The following FRYL variants were observed in gnomAD, a reference collection of about 807,000 sequenced individuals.
FRYL encodes the protein FRY like transcription coactivator, also known as protein furry homolog-like.
A neutral mutation model predicts 351.2 loss-of-function variants in FRYL; 150 were observed. That is an observed-to-expected ratio of 0.43 (90% confidence interval 0.37 to 0.49). FRYL has a LOEUF of 0.49. Ranked by LOEUF, FRYL falls within the 20% of genes least tolerant of loss-of-function variation. FRYL has a pLI of 0.00. For missense variants in FRYL, 3,036 were observed against 3,619.3 expected (o/e 0.84, Z 4.13); for synonymous variants, 1,153 against 1,257.1 (o/e 0.92, Z 1.75).
intron 2 of FRYL, among the ~76,000 whole-genome samples, chr4:48,709,691 C>T: frequency 6.6e-6 from 1 of 152,152 alleles, no homozygotes; most frequent in Non-Finnish European, 1.5e-5. Context: ...TAGTCTAATT[C>T]ACCCATTTCA....
chr4:48,715,059 A>C (rs1184016886), intron 1 of FRYL, among the ~76,000 whole-genome samples: 1 of 152,220 alleles, frequency 6.6e-6, no homozygotes, highest in Non-Finnish European at 1.5e-5. Flanking sequence ...CAGGCCTTTG[A>C]CTAAATTCAA....
intron 2 of FRYL, among the ~76,000 whole-genome samples, chr4:48,692,871 G>T (rs1765800111): frequency 6.6e-6 from 1 of 152,062 alleles, no homozygotes; most frequent in Non-Finnish European, 1.5e-5. Context: ...CGGACTAAAA[G>T]ATCTCTTTAA....
intron 3 of FRYL, among the ~76,000 whole-genome samples, chr4:48,679,494 C>T (rs572824144): frequency 6.6e-6 from 1 of 151,724 alleles, no homozygotes; most frequent in East Asian, 1.9e-4. Context: ...TCTATCAAAA[C>T]TTAAAAGGCA....
At chr4:48,518,104 G>C (rs1724038383) in intron 55 of FRYL, among the ~76,000 whole-genome samples, 1 of 152,134 alleles carries the variant, frequency 6.6e-6, no homozygotes, top group African/African-American at 2.4e-5. Context: ...CAGTAGAACT[G>C]TTTCTAAATG....
At chr4:48,525,519 G>A (rs749962272) in intron 53 of FRYL, among the ~76,000 whole-genome samples, 9 of 152,160 alleles carry the variant, frequency 5.9e-5, no homozygotes, top group African/African-American at 1.7e-4. Context: ...AGTGTGATAC[G>A]GGAGAGTGCA....
At chr4:48,721,351 T>C (rs1769447602) in intron 1 of FRYL, among the ~76,000 whole-genome samples, 2 of 151,326 alleles carry the variant, frequency 1.3e-5, no homozygotes, top group Non-Finnish European at 2.9e-5. Flanking sequence ...ACACTATATG[T>C]AGATTTTTTT....
At chr4:48,661,442 TG>T (rs1167173725) in intron 3 of FRYL, among the ~76,000 whole-genome samples, 1 of 152,182 alleles carries the variant, frequency 6.6e-6, no homozygotes, top group Non-Finnish European at 1.5e-5. Context: ...AGGGATCCCA[TG>T]AAGTCCCACA....
At chr4:48,611,780 T>C (rs1748259264) in intron 7 of FRYL, among the ~76,000 whole-genome samples, 1 of 152,202 alleles carries the variant, frequency 6.6e-6, no homozygotes, top group Admixed American at 6.5e-5. Context: ...TTTCTAATTT[T>C]CTGGTTTTGT....
intron 3 of FRYL, among the ~76,000 whole-genome samples, chr4:48,655,965 T>C (rs1282146959): frequency 1.4e-5 from 2 of 138,966 alleles, no homozygotes; most frequent in Non-Finnish European, 3.0e-5. Flanking sequence ...ACATTATATA[T>C]AATGTGCATT....
intron 3 of FRYL, among the ~76,000 whole-genome samples, chr4:48,645,735 T>C (rs996906159): frequency 2.0e-5 from 3 of 152,190 alleles, no homozygotes; most frequent in East Asian, 1.9e-4. Context: ...CCTATTCTTC[T>C]AAAATGGAAC....
At chr4:48,637,698 A>C (rs1427139583) in intron 3 of FRYL, 1 of 152,132 alleles carries the variant, frequency 6.6e-6, no homozygotes, top group Non-Finnish European at 1.5e-5. Flanking sequence ...GGGAATCTAA[A>C]AGCTAGCATT....
intron 1 of FRYL, among the ~76,000 whole-genome samples, chr4:48,774,082 G>A (rs960840309): frequency 6.6e-6 from 1 of 152,088 alleles, no homozygotes; most frequent in African/African-American, 2.4e-5. Flanking sequence ...TATATAGAAT[G>A]TCCAAAATAG....
chr4:48,656,409 T>C (rs1000626952), intron 3 of FRYL, among the ~76,000 whole-genome samples: 4 of 133,886 alleles, frequency 3.0e-5, no homozygotes, highest in Non-Finnish European at 6.1e-5. Flanking sequence ...TATAATTATA[T>C]ATAATGTATA....
chr4:48,678,948 TA>T (rs997301475), intron 3 of FRYL, among the ~76,000 whole-genome samples: 1 of 151,780 alleles, frequency 6.6e-6, no homozygotes, highest in Admixed American at 6.6e-5. Context: ...AGATAGTCTT[TA>T]AAAAAAAGAA....
intron 33 of FRYL, among the ~76,000 whole-genome samples, chr4:48,559,770 C>T (rs976694610): frequency 2.6e-5 from 4 of 151,082 alleles, no homozygotes; most frequent in Non-Finnish European, 4.4e-5. Flanking sequence ...CAAGAATCTA[C>T]CAAAAGAGAC....
chr4:48,721,147 T>G (rs1321347858), intron 1 of FRYL, among the ~76,000 whole-genome samples: 1 of 152,180 alleles, frequency 6.6e-6, no homozygotes, highest in African/African-American at 2.4e-5. Flanking sequence ...ATTATAGAAC[T>G]CATCACTATC....
intron 1 of FRYL, among the ~76,000 whole-genome samples, chr4:48,773,541 G>T (rs1361630197): frequency 6.6e-6 from 1 of 152,096 alleles, no homozygotes; most frequent in African/African-American, 2.4e-5. Context: ...GTATAAGGAA[G>T]TGTTACCAGA....
intron 55 of FRYL, among the ~76,000 whole-genome samples, chr4:48,517,000 A>C (rs1452920189): frequency 2.6e-5 from 4 of 152,312 alleles, no homozygotes; most frequent in Middle Eastern, 6.8e-3. Context: ...GAAAACACAA[A>C]GTGTGTAAGA....
At chr4:48,646,837 G>T (rs578145584) in intron 3 of FRYL, among the ~76,000 whole-genome samples, 1 of 152,302 alleles carries the variant, frequency 6.6e-6, no homozygotes, top group East Asian at 1.9e-4. Context: ...TAATTATGGA[G>T]GCAGAAGATG....
Sources: gnomAD v4.1 joint callset for allele counts (sites outside exome capture counted in the v4.1 genomes callset) on GRCh38, gnomAD v4.1.1 for gene constraint, MANE v1.5 for transcripts, NCBI Gene and HGNC (gene_info 2026-07-23, HGNC 2026-07-21) for gene names.